Variants in UNC13C observed in about 807,000 individuals in gnomAD.
The protein encoded by UNC13C is unc-13 homolog C.
In UNC13C, 174 loss-of-function variants were observed where a neutral mutation model predicts 245.4. The ratio of observed to expected loss-of-function variants is 0.71; its 90% CI spans 0.63 to 0.80. The LOEUF is 0.80. UNC13C is among the 30% of genes least tolerant of loss of function. The probability of loss-of-function intolerance (pLI) is 0.00; values close to 1 mark genes in which losing one functional copy is unlikely to be tolerated. For missense variants in UNC13C, 2,829 were observed against 2,602.9 expected (o/e 1.09, Z -1.89); for synonymous variants, 992 against 895.1 (o/e 1.11, Z -1.93).
At chr15:54,511,678 A>G in intron 23 of UNC13C, 75 bp from the exon 24 acceptor site, 1 of 996,074 alleles carries the variant, frequency 1.0e-6, no homozygotes, top group East Asian at 2.6e-5. Context: ...ATTTTCCACC[A>G]CTTATAAGTT....
At position 54,344,558 on chromosome 15, in the gene UNC13C, A is replaced by T. The variant is rs529473453; in HGVS notation, c.4713+6069A>T. Among the ~76,000 whole-genome samples, 38 of 152,232 alleles carry T rather than the reference A, an allele frequency of 2.5e-4. No homozygotes were observed. The East Asian group carries it at 7.0e-3, about 28-fold the overall frequency. On this transcript the variant is annotated intron_variant, in intron 17 of 32. Transcript: ENST00000260323. ...ATACTTTTTCATCAACATTGTTATT[A>T]TTTGAAATTCTAAAGGAAGCATCCA...
chr15:54,009,753 G>T (rs1047325438), intron 1 of UNC13C, among the ~76,000 whole-genome samples: 1 of 152,030 alleles, frequency 6.6e-6, no homozygotes, highest in African/African-American at 2.4e-5. Flanking sequence ...CACCAACTTG[G>T]CCAGGATGAT....
At chr15:53,912,767 G>A in the UNC13C span, 1 of 152,452 alleles carries the variant, frequency 6.6e-6, no homozygotes, top group Non-Finnish European at 1.5e-5. Flanking sequence ...CGGCGGGGGA[G>A]CACACAGAGA....
At chr15:54,016,298 T>A (rs1030779211) in intron 2 of UNC13C, among the ~76,000 whole-genome samples, 2 of 152,104 alleles carry the variant, frequency 1.3e-5, no homozygotes, top group Admixed American at 1.3e-4. Context: ...GAAAAAGGTG[T>A]AATCTTAAAA....
intron 30 of UNC13C, among the ~76,000 whole-genome samples, chr15:54,612,852 AATC>A (rs1206799116): frequency 6.6e-6 from 1 of 151,978 alleles, no homozygotes; most frequent in East Asian, 1.9e-4. Flanking sequence ...AGTTGAAACC[AATC>A]TTTTCTTGTT....
At chr15:53,950,062 C>T in the UNC13C span, among the ~76,000 whole-genome samples, 1 of 152,178 alleles carries the variant, frequency 6.6e-6, no homozygotes, top group African/African-American at 2.4e-5. Flanking sequence ...ACTCTTACCT[C>T]AGTACCTTAT....
chr15:54,196,181 TATATAGGTGA>T (rs1302027809), intron 4 of UNC13C, among the ~76,000 whole-genome samples: 1 of 152,092 alleles, frequency 6.6e-6, no homozygotes, highest in Non-Finnish European at 1.5e-5. Context: ...TCTCCTTAAG[TATATAGGTGA>T]ATTTGCAAGA....
chr15:54,179,322 A>G (rs1286055509), intron 4 of UNC13C, among the ~76,000 whole-genome samples: 7 of 152,166 alleles, frequency 4.6e-5, no homozygotes, highest in African/African-American at 1.7e-4. Context: ...TAACAATCCA[A>G]TAATGGATTT....
At chr15:53,867,768 T>C in the UNC13C span, among the ~76,000 whole-genome samples, 8 of 152,228 alleles carry the variant, frequency 5.3e-5, no homozygotes, top group African/African-American at 1.7e-4. Context: ...ATAATAACTT[T>C]TGCATTATTT....
At chr15:54,304,250 A>G (rs1395473517) in intron 13 of UNC13C, among the ~76,000 whole-genome samples, 3 of 152,136 alleles carry the variant, frequency 2.0e-5, no homozygotes, top group African/African-American at 7.2e-5. Context: ...TGAGGGCATG[A>G]GGGCCATAGA....
chr15:54,488,242 T>A (rs966203864), intron 19 of UNC13C, among the ~76,000 whole-genome samples: 6 of 152,170 alleles, frequency 3.9e-5, no homozygotes, highest in Non-Finnish European at 5.9e-5. Context: ...AGAACCAACG[T>A]TTCCTGGTGA....
At chr15:54,017,265 T>G (rs1280975464) in intron 2 of UNC13C, among the ~76,000 whole-genome samples, 1 of 152,322 alleles carries the variant, frequency 6.6e-6, no homozygotes, top group Non-Finnish European at 1.5e-5. Flanking sequence ...TATTTAAAAC[T>G]GATTTAAGAG....
chr15:54,274,042 A>G (rs1489435267), intron 10 of UNC13C, among the ~76,000 whole-genome samples: 1 of 152,112 alleles, frequency 6.6e-6, no homozygotes, highest in African/African-American at 2.4e-5. Flanking sequence ...CACTGAGGTA[A>G]ATATGTAAGA....
At position 54,201,381 on chromosome 15, in the gene UNC13C, A is replaced by G. The variant is rs922264993; in HGVS notation, c.3072-33649A>G. ...ATCAAAAAAAGAAAACTACAGACCAATACTCCTGATGAATATAGATGCAAA... is the reference window on the plus strand; with the variant it reads ...ATCAAAAAAAGAAAACTACAGACCAGTACTCCTGATGAATATAGATGCAAA... On this transcript the variant is annotated intron_variant, in intron 4 of 32. Transcript: ENST00000260323. Among the ~76,000 whole-genome samples, 5 of 152,198 alleles carry G rather than the reference A, an allele frequency of 3.3e-5. No homozygotes were observed. In the South Asian group the frequency reaches 8.3e-4, roughly 25 times the overall value.
intron 4 of UNC13C, among the ~76,000 whole-genome samples, chr15:54,222,743 T>G (rs1417063742): frequency 2.0e-5 from 3 of 152,176 alleles, no homozygotes; most frequent in Middle Eastern, 3.4e-3. Context: ...TCTATATCCT[T>G]GCCAGCATTC....
chr15:54,572,870 A>G (rs1897818138), intron 30 of UNC13C, among the ~76,000 whole-genome samples: 1 of 152,190 alleles, frequency 6.6e-6, no homozygotes. Flanking sequence ...CACTTTTAAA[A>G]GCATTTGTGT....
chr15:54,018,104 T>C (rs769807411), intron 2 of UNC13C, among the ~76,000 whole-genome samples: 43 of 152,320 alleles, frequency 2.8e-4, no homozygotes, highest in Middle Eastern at 3.4e-3. Flanking sequence ...GCCACCCATA[T>C]GCCTCTGAAG....
Position 54,015,756 on chromosome 15 carries a change from A to G in UNC13C, c.2853A>G (p.Glu951=), listed in dbSNP as rs1895627394. The G allele has an allele frequency of 2.4e-5, 39 of 1,613,006 alleles. No individual in the cohort carries two copies. The highest frequency in any genetic ancestry group is 3.1e-5 in the Non-Finnish European group (36 of 1,179,494). ...TSAEMEIRED[E]NQNIPEQPVE... is the part of the protein sequence containing the mutation. ...CTGAGATGGAAATAAGAGAAGATGAAAACCAAAACATTCCTGAACAGCCAG... is the reference window on the plus strand; with the variant it reads ...CTGAGATGGAAATAAGAGAAGATGAGAACCAAAACATTCCTGAACAGCCAG... The change falls in exon 2 of 33, where the codon GAA becomes GAG. Residue 951 remains glutamate, a synonymous_variant. Coordinates refer to ENST00000260323, the MANE Select transcript of UNC13C (RefSeq NM_001080534.3).
At chr15:54,242,981 C>T (rs1163196874) in intron 7 of UNC13C, among the ~76,000 whole-genome samples, 6 of 151,882 alleles carry the variant, frequency 4.0e-5, no homozygotes, top group Middle Eastern at 3.4e-3. Context: ...CTTTTTTTTC[C>T]GTCAACTTTT....
Sources: gnomAD v4.1 joint callset for allele counts (sites outside exome capture counted in the v4.1 genomes callset) on GRCh38, gnomAD v4.1.1 for gene constraint, MANE v1.5 for transcripts, NCBI Gene and HGNC (gene_info 2026-07-23, HGNC 2026-07-21) for gene names.